Variants in TRIM50 observed in about 807,000 individuals in gnomAD.
The protein encoded by TRIM50 is E3 ubiquitin-protein ligase TRIM50.
A neutral mutation model predicts 44.9 loss-of-function variants in TRIM50; 34 were observed. The observed-to-expected ratio is 0.76, with a 90% confidence interval of 0.58 to 1.01. TRIM50 has a LOEUF of 1.01. Among genes scored for constraint, TRIM50 ranks in the 50% least tolerant of loss-of-function variants. The pLI is 0.00. For missense variants in TRIM50, 633 were observed against 663.7 expected, an observed-to-expected ratio of 0.95 and a Z score of 0.51; for synonymous variants, 307 against 291.1, an observed-to-expected ratio of 1.05 and a Z score of -0.56.
intron 2 of TRIM50, chr7:73,321,902 G>C (rs1804505084): frequency 2.0e-5 from 3 of 152,196 alleles, no homozygotes; most frequent in Admixed American, 2.0e-4. Flanking sequence ...TTCCCCGTGA[G>C]AGGAACTAAG....
intron 1 of TRIM50, among the ~76,000 whole-genome samples, chr7:73,326,215 T>C (rs1554546030): frequency 6.6e-6 from 1 of 152,170 alleles, no homozygotes; most frequent in East Asian, 1.9e-4. Flanking sequence ...TCTTTTTTTC[T>C]AATACAAACT....
chr7:73,324,366 G>T (rs369575836), intron 2 of TRIM50, 23 bp downstream of exon 2: 2 of 1,613,896 alleles, frequency 1.2e-6, no homozygotes, highest in South Asian at 2.2e-5. Context: ...CTCTCCAGCC[G>T]CCCCTGCACC....
In TRIM50 at chr7:73,313,159, C is replaced by A; in HGVS notation, c.1226G>T (p.Gly409Val). The change falls in exon 7 of 7, where the codon GGC becomes GTC. Residue 409 changes from glycine to valine, a missense_variant. Transcript: ENST00000333149. This position sits in a 1 kb window ranked among gnomAD's most constrained non-coding sequence, Gnocchi z 4.9. ...GTAGAGCCCGATGCGGTGGGGGTGGCCGGCCACGGGCAGGGGTACCCGGGG... is the reference window on the plus strand; with the variant it reads ...GTAGAGCCCGATGCGGTGGGGGTGGACGGCCACGGGCAGGGGTACCCGGGG... ...ACPRVPLPVA[G>V]HPHRIGLYLH... 6.3e-7 allele frequency: 1 copy of A among 1,587,654 alleles called. No homozygotes were observed. Among genetic ancestry groups the A allele is most frequent in the Non-Finnish European group, 8.6e-7 (1 of 1,167,300 alleles).
chr7:73,313,444 G>T lies in TRIM50; in HGVS notation c.941C>A (p.Thr314Lys). The T allele has an allele frequency of 6.4e-7, 1 of 1,559,184 alleles. No homozygotes were observed. The highest frequency in any genetic ancestry group is 2.4e-5 in the East Asian group (1 of 42,238). ...HPLLELSKGN[T>K]VVQCGLLAQR... The stretch of plus-strand genomic sequence containing the variant: ...GGCCAGAAGCCCGCACTGCACCACC[G>T]TGTTGCCCTTGGAGAGCTCCAGGAG... The change falls in exon 7 of 7, where the codon ACG (threonine) becomes AAG (lysine). Residue 314 changes from threonine to lysine, a missense_variant. Physicochemically the swap from Thr to Lys is moderately conservative, Grantham distance 78 (BLOSUM62 -1). Coordinates refer to ENST00000333149, the MANE Select transcript of TRIM50 (RefSeq NM_178125.3). This position sits in a 1 kb window ranked among gnomAD's most constrained non-coding sequence, Gnocchi z 4.9.
intron 2 of TRIM50, 81 bp from the exon 3 acceptor site, chr7:73,320,323 C>T (rs1465910007): frequency 4.4e-6 from 7 of 1,603,676 alleles, no homozygotes; most frequent in Admixed American, 3.3e-5. Context: ...TGGGAGTATC[C>T]CAATGGCCAC....
In TRIM50 at chr7:73,316,622, G is replaced by A. The variant is rs782529774; in HGVS notation, c.817C>T (p.His273Tyr). Residue 273 changes from histidine to tyrosine, a missense_variant, in exon 6 of 7, where the codon CAC (histidine) becomes TAC (tyrosine). Coordinates refer to ENST00000333149, the MANE Select transcript of TRIM50 (RefSeq NM_178125.3). ...FSPISFKPGL[H>Y]QADIKLTVWK... ...ACGGTCAGCTTGATGTCAGCCTGGT[G>A]GAGGCCTGGCTTGAAGGAGATGGGG... The A allele has an allele frequency of 1.9e-6, 3 of 1,614,268 alleles. No homozygotes were observed. Among genetic ancestry groups the A allele is most frequent in the South Asian group, 1.1e-5 (1 of 91,088 alleles).
Position 73,313,641 on chromosome 7 carries a change from T to G in TRIM50, c.875-131A>C. 2 of 704,386 alleles carry G rather than the reference T, an allele frequency of 2.8e-6. No homozygotes were observed. Among genetic ancestry groups the G allele is most frequent in the Non-Finnish European group, 4.6e-6 (2 of 433,892 alleles). The allele number at this position is 704,386 out of a possible 1,614,324, so 43.6% of individuals were successfully genotyped here. A position where few individuals can be genotyped will look rare whatever the true frequency, so the allele number is the denominator to read the frequency against. Reference sequence around the variant, plus strand: ...CTTCCTCATCTCTCTAGCCCCAGGGTCTAGAAGGGGCCAGTACAGGGCTGC... The same window carrying G: ...CTTCCTCATCTCTCTAGCCCCAGGGGCTAGAAGGGGCCAGTACAGGGCTGC... On this transcript the variant is annotated intron_variant, in intron 6 of 6. Coordinates refer to ENST00000333149, the MANE Select transcript of TRIM50 (RefSeq NM_178125.3). The surrounding 1 kb of genome is among the most constrained non-coding windows in gnomAD (Gnocchi z 4.9).
intron 5 of TRIM50, 151 bp downstream of exon 5, chr7:73,318,536 T>C: frequency 6.5e-7 from 1 of 1,532,174 alleles, no homozygotes. Flanking sequence ...GGGACATGAC[T>C]TTCCTCTGTT....
rs377370405 is a variant in TRIM50 at position 73,318,841 on chromosome 7, T to A, written c.707A>T (p.Asp236Val). ...ECVLEQFGNE[D>V]HHKFIRKFHS... ...ACTCACCCGGATGAACTTGTGGTGG[T>A]CCTCATTGCCGAACTGTTCCAGCAC... The change falls in exon 4 of 7, where the codon GAC becomes GTC. Residue 236 changes from aspartate to valine, a missense_variant. Physicochemically the swap from Asp to Val is radical, Grantham distance 152. Transcript: ENST00000333149. The A allele has an allele frequency of 1.5e-5, 25 of 1,613,806 alleles. No individual in the cohort carries two copies. Among genetic ancestry groups the A allele is most frequent in the Non-Finnish European group, 1.9e-5 (23 of 1,179,870 alleles).
rs1804457425 is a variant in TRIM50, at chr7:73,320,054, C to T, written c.495+93G>A. ...TTGAGTTCTGGCTTTATATGGAAGG[C>T]ATGGTTTTCTGTAAAGGACCAATGA... On this transcript the variant is annotated intron_variant, in intron 3 of 6. Transcript: ENST00000333149. 31 of 1,602,164 alleles carry T rather than the reference C, an allele frequency of 1.9e-5. No homozygotes were observed. In the South Asian group the frequency reaches 2.9e-4, roughly 15 times the overall value.
chr7:73,323,034 AG>A (rs2115766266), intron 2 of TRIM50, among the ~76,000 whole-genome samples: 1 of 152,330 alleles, frequency 6.6e-6, no homozygotes, highest in South Asian at 2.1e-4. Context: ...CACAGTTGTC[AG>A]GGTTTTTTTC....
At chr7:73,318,398 A>C (rs193125423) in intron 5 of TRIM50, among the ~76,000 whole-genome samples, 4 of 152,230 alleles carry the variant, frequency 2.6e-5, no homozygotes, top group African/African-American at 7.2e-5. Flanking sequence ...TGGCTTCCCA[A>C]AGTACTGGGA....
At chr7:73,318,652 C>T (rs1371732856) in intron 5 of TRIM50, 35 bp downstream of exon 5, 1 of 1,612,528 alleles carries the variant, frequency 6.2e-7, no homozygotes, top group Non-Finnish European at 8.5e-7. Flanking sequence ...CCCGCAGCCA[C>T]CAGACCCTGG....
Position 73,320,188 on chromosome 7 carries a change from C to T in TRIM50, c.454G>A (p.Glu152Lys). 2 of 1,614,026 alleles carry T rather than the reference C, an allele frequency of 1.2e-6. No homozygotes were observed. Among genetic ancestry groups the T allele is most frequent in the Non-Finnish European group, 8.5e-7 (1 of 1,179,884 alleles). The change falls in exon 3 of 7, where the codon GAG becomes AAG. Residue 152 changes from glutamate (E) to lysine (K), a missense_variant. Transcript: ENST00000333149. ...ELKQEQKKVD[E>K]LIAKLVNNRT... The stretch of plus-strand genomic sequence containing the variant: ...TTGTTCACCAGTTTGGCGATGAGCT[C>T]ATCCACCTTTTTCTGCTCCTGCTTC...
At chr7:73,324,065 A>AGAGAGGGAGAGG (rs1196917499) in intron 2 of TRIM50, among the ~76,000 whole-genome samples, 4 of 151,560 alleles carry the variant, frequency 2.6e-5, no homozygotes, top group Admixed American at 2.6e-4. Flanking sequence ...AAAAGAAAGG[A>AGAGAGGGAGAGG]GAGAGGGAGA....
rs782192203 is a variant in TRIM50, at chr7:73,324,594, G to A, written c.194C>T (p.Ser65Phe). The A allele has an allele frequency of 1.4e-5, 22 of 1,614,098 alleles. No individual in the cohort carries two copies. The highest frequency in any genetic ancestry group is 1.7e-4 in the Middle Eastern group (1 of 6,058). Residue 65 changes from serine to phenylalanine, a missense_variant, in exon 2 of 7, where the codon TCC becomes TTC. Transcript: ENST00000333149. ...VCRQAVDGSSSLPNVSLARVI... is the reference protein window; with the variant it reads ...VCRQAVDGSSFLPNVSLARVI... ...CCTGGCCAGGGAGACGTTGGGCAGG[G>A]AGCTGCTGCCGTCCACCGCCTGCCG...
Position 73,324,425 on chromosome 7 carries a change from C to G in TRIM50, c.363G>C (p.Pro121=). ...TGTAGACGGTGGAGACGGGCGTGAC[C>G]GGGTGGTGTTGGTGGGAGCCCAGCA... ...CGLLGSHQHH[P]VTPVSTVYSR... The change falls in exon 2 of 7, where the codon CCG becomes CCC. Residue 121 remains proline (P), a synonymous_variant. Coordinates refer to ENST00000333149, the MANE Select transcript of TRIM50 (RefSeq NM_178125.3). 6.2e-7 allele frequency: 1 copy of G among 1,613,630 alleles called. No homozygotes were observed. Among genetic ancestry groups the G allele is most frequent in the South Asian group, 1.1e-5 (1 of 91,032 alleles).
chr7:73,326,559 A>T (rs4717748), intron 1 of TRIM50, among the ~76,000 whole-genome samples: 32,895 of 151,956 alleles, frequency 0.22, 4,062 homozygotes, highest in African/African-American at 0.34. Flanking sequence ...ATGTAGAGTG[A>T]TTCCAGAAAG....
chr7:73,324,215 C>A (rs1459382251), intron 2 of TRIM50, among the ~76,000 whole-genome samples, 174 bp downstream of exon 2: 9 of 152,130 alleles, frequency 5.9e-5, no homozygotes, highest in African/African-American at 2.2e-4. Context: ...TGGCTTCAAT[C>A]CCCGGCACCT....
Sources: allele counts gnomAD v4.1 joint callset (sites outside exome capture counted in the v4.1 genomes callset), GRCh38; gene constraint gnomAD v4.1.1; non-coding constraint Gnocchi (gnomAD v3.1); transcripts MANE v1.5; gene names NCBI Gene and HGNC (gene_info 2026-07-23, HGNC 2026-07-21).